The following CLMN variants were observed in gnomAD, a reference collection of about 807,000 sequenced individuals.
The protein encoded by CLMN is calmin.
CLMN carries 57 observed loss-of-function variants against 92.7 expected under a neutral mutation model. The ratio of observed to expected loss-of-function variants is 0.61; its 90% CI spans 0.50 to 0.77. The LOEUF (loss-of-function observed/expected upper bound fraction) is 0.77. Ranked by LOEUF, CLMN falls within the 30% of genes least tolerant of loss-of-function variation. The pLI, the probability that CLMN is intolerant of heterozygous loss-of-function variation, is 0.00. For synonymous variants in CLMN, 466 were observed against 470.6 expected (o/e 0.99, Z 0.13); for missense variants, 1,158 against 1,237.5 (o/e 0.94, Z 0.96).
intron 8 of CLMN, among the ~76,000 whole-genome samples, chr14:95,207,389 G>A (rs879872697): frequency 7.9e-5 from 12 of 152,002 alleles, no homozygotes; most frequent in Non-Finnish European, 1.8e-4. Context: ...CAAAGTGTTG[G>A]GATTATAAAT....
At chr14:95,257,118 T>C (rs188261402) in intron 1 of CLMN, among the ~76,000 whole-genome samples, 2 of 152,318 alleles carry the variant, frequency 1.3e-5, no homozygotes, top group Admixed American at 1.3e-4. Flanking sequence ...CCATTATCCA[T>C]AAAGCTTCGT....
Position 95,203,166 on chromosome 14 carries a change from T to C in CLMN, c.2183A>G (p.Tyr728Cys), listed in dbSNP as rs762300695. ...KVSVIPHDLF[Y>C]FPHYEVPLAA... Reference sequence around the variant, plus strand: ...CAGGGGAACCTCATAGTGTGGGAAATAGAAGAGGTCGTGGGGAATGACGGA... The same window carrying C: ...CAGGGGAACCTCATAGTGTGGGAAACAGAAGAGGTCGTGGGGAATGACGGA... Residue 728 changes from tyrosine to cysteine, a missense_variant, in exon 9 of 13, where the codon TAT (tyrosine) becomes TGT (cysteine). By Grantham distance (194) the Tyr-to-Cys change is radical. Transcript: ENST00000298912. 9.9e-6 allele frequency: 16 copies of C among 1,612,596 alleles called. No homozygotes were observed. The South Asian group carries it at 1.4e-4, about 14-fold the overall frequency.
Position 95,240,384 on chromosome 14 carries a change from C to A in CLMN, c.83-10251G>T, listed in dbSNP as rs550065619. Among the ~76,000 whole-genome samples the A allele has an allele frequency of 2.0e-5, 3 of 152,236 alleles. No individual in the cohort carries two copies. The South Asian group carries it at 6.2e-4, about 32-fold the overall frequency. ...CCAGCTAGTAGAACATGGGTGGGTTCCAGGTATACCACTTCCAGACATGGC... is the reference window on the plus strand; with the variant it reads ...CCAGCTAGTAGAACATGGGTGGGTTACAGGTATACCACTTCCAGACATGGC... On this transcript the variant is annotated intron_variant, in intron 1 of 12. Transcript: ENST00000298912.
Position 95,256,116 on chromosome 14 carries a change from C to A in CLMN, c.83-25983G>T, listed in dbSNP as rs148172373. ...AAGTGGGCAGAATGGTAATTTGAGC[C>A]CAAGTTCTGAACCACTGGGCTACAG... On this transcript the variant is annotated intron_variant, in intron 1 of 12. Coordinates refer to ENST00000298912, the MANE Select transcript of CLMN (RefSeq NM_024734.4). The surrounding 1 kb of genome is among the most constrained non-coding windows in gnomAD (Gnocchi z 4.9). Among the ~76,000 whole-genome samples the A allele has an allele frequency of 6.6e-6, 1 of 152,142 alleles. No individual in the cohort carries two copies. Among genetic ancestry groups the A allele is most frequent in the Non-Finnish European group, 1.5e-5 (1 of 68,024 alleles).
At chr14:95,227,282 T>G (rs1005899164) in intron 2 of CLMN, among the ~76,000 whole-genome samples, 1 of 152,058 alleles carries the variant, frequency 6.6e-6, no homozygotes, top group African/African-American at 2.4e-5. Flanking sequence ...CCCCAGTTAG[T>G]CAAAATACAG....
chr14:95,306,282 TG>T (rs1460911355), intron 1 of CLMN, among the ~76,000 whole-genome samples: 2 of 151,960 alleles, frequency 1.3e-5, no homozygotes, highest in Non-Finnish European at 2.9e-5. Context: ...GAAGCTGAGG[TG>T]GGCAGATTAC....
At chr14:95,255,123 G>C (rs1388225831) in intron 1 of CLMN, among the ~76,000 whole-genome samples, 1 of 152,184 alleles carries the variant, frequency 6.6e-6, no homozygotes, top group Non-Finnish European at 1.5e-5. Context: ...ATGACCATGA[G>C]AGGAGGGGCA....
At chr14:95,311,888 G>A (rs892388503) in intron 1 of CLMN, among the ~76,000 whole-genome samples, 8 of 151,816 alleles carry the variant, frequency 5.3e-5, no homozygotes, top group Non-Finnish European at 1.0e-4. Context: ...CACATTCTCT[G>A]GCCTCCTGGG....
chr14:95,281,446 A>G (rs1900141323), intron 1 of CLMN, among the ~76,000 whole-genome samples: 2 of 152,224 alleles, frequency 1.3e-5, no homozygotes, highest in South Asian at 2.1e-4. Flanking sequence ...AAGAAAAATT[A>G]TGTTTCAAAA....
At chr14:95,313,512 C>T (rs12433541) in intron 1 of CLMN, among the ~76,000 whole-genome samples, 10,680 of 152,184 alleles carry the variant, frequency 0.07, 947 homozygotes, top group East Asian at 0.45. Flanking sequence ...ATCCCTACTC[C>T]GATAGAAAGA....
chr14:95,279,981 T>C (rs1475519367), intron 1 of CLMN, among the ~76,000 whole-genome samples: 1 of 152,078 alleles, frequency 6.6e-6, no homozygotes, highest in East Asian at 1.9e-4. Flanking sequence ...TGTTTTTTTT[T>C]TTTGCCTAGT....
chr14:95,316,536 G>A (rs1271440246), intron 1 of CLMN, among the ~76,000 whole-genome samples: 1 of 152,224 alleles, frequency 6.6e-6, no homozygotes, highest in African/African-American at 2.4e-5. Context: ...GACAGGTCGA[G>A]AAATCTTCAT....
chr14:95,287,160 CTT>C lies in CLMN; in HGVS notation c.82+32549_82+32550del, dbSNP rs569864353. On this transcript the variant is annotated intron_variant, in intron 1 of 12. Coordinates refer to ENST00000298912, the MANE Select transcript of CLMN (RefSeq NM_024734.4). ...AGGAGGGGCAATTCTAATGGTCTGA[CTT>C]TGCAAACCAGGGAAATCCTGTGATT... is the stretch of plus-strand genomic sequence containing the variant. 1.9e-3 allele frequency among the ~76,000 whole-genome samples: 297 copies of C among 152,310 alleles called. 1 individual carries two copies. Among genetic ancestry groups the C allele is most frequent in the African/African-American group, 6.9e-3 (286 of 41,586 alleles).
rs112813043 is a variant in CLMN, at chr14:95,259,567, C to G, written c.83-29434G>C. Among the ~76,000 whole-genome samples, 1 of 152,104 alleles carries G rather than the reference C, an allele frequency of 6.6e-6. No individual in the cohort carries two copies. The highest frequency in any genetic ancestry group is 1.5e-5 in the Non-Finnish European group (1 of 67,996). ...AGCTGCTGGGAGCAGGCCAGGGAAA[C>G]GAGATCTTGATCTGTTTGGGAATCC... On this transcript the variant is annotated intron_variant, in intron 1 of 12. Transcript: ENST00000298912. This position sits in a 1 kb window ranked among gnomAD's most constrained non-coding sequence, Gnocchi z 4.3.
At position 95,213,182 on chromosome 14, in the gene CLMN, T is replaced by A. The variant is rs1463509991; in HGVS notation, c.608+37A>T. 15 of 1,594,970 alleles carry A rather than the reference T, an allele frequency of 9.4e-6. 1 individual carries two copies. In the South Asian group the frequency reaches 1.6e-4, roughly 17 times the overall value. ...TTTCCTCTGCCTGAAAGCAGCTAGTTAAATGAAGTAGTGTGGGGAGAGGGG... is the reference window on the plus strand; with the variant it reads ...TTTCCTCTGCCTGAAAGCAGCTAGTAAAATGAAGTAGTGTGGGGAGAGGGG... On this transcript the variant is annotated intron_variant, in intron 6 of 12. Transcript: ENST00000298912.
chr14:95,299,209 C>T (rs1469193671), intron 1 of CLMN, among the ~76,000 whole-genome samples: 3 of 152,100 alleles, frequency 2.0e-5, no homozygotes, highest in Non-Finnish European at 2.9e-5. Flanking sequence ...CTCCCCCCAA[C>T]CCCACCACCA....
Position 95,189,236 on chromosome 14 carries a change from A to G in CLMN, c.*2328T>C, listed in dbSNP as rs1207459906. On this transcript the variant is annotated 3_prime_UTR_variant, in exon 13 of 13. Coordinates refer to ENST00000298912, the MANE Select transcript of CLMN (RefSeq NM_024734.4). Reference sequence around the variant, plus strand: ...CCAGTAGATGTTTCTAAATTAAAAAATAAAGTGTAAGCACGTTATGTAGAA... The same window carrying G: ...CCAGTAGATGTTTCTAAATTAAAAAGTAAAGTGTAAGCACGTTATGTAGAA... 2.0e-5 allele frequency: 3 copies of G among 152,258 alleles called. No homozygotes were observed. In the East Asian group the frequency reaches 5.8e-4, roughly 29 times the overall value. 9.4% of individuals were successfully genotyped at this position (152,258 alleles called of 1,614,324 possible).
At chr14:95,250,674 T>C (rs1325147832) in intron 1 of CLMN, among the ~76,000 whole-genome samples, 3 of 152,228 alleles carry the variant, frequency 2.0e-5, no homozygotes, top group African/African-American at 7.2e-5. Context: ...CCTGAAGAGC[T>C]ACAGAGCATG....
At chr14:95,302,771 C>T (rs189007314) in intron 1 of CLMN, among the ~76,000 whole-genome samples, 23 of 152,334 alleles carry the variant, frequency 1.5e-4, no homozygotes, top group Non-Finnish European at 2.6e-4. Context: ...GAGACCAACA[C>T]ACCACAAGGA....
Sources: gnomAD v4.1 joint callset for allele counts (sites outside exome capture counted in the v4.1 genomes callset) on GRCh38, gnomAD v4.1.1 for gene constraint, Gnocchi (gnomAD v3.1) non-coding constraint, MANE v1.5 for transcripts, NCBI Gene and HGNC (gene_info 2026-07-23, HGNC 2026-07-21) for gene names.